Variants in GPC3 observed in about 807,000 individuals in gnomAD.
GPC3 encodes glypican 3.
GPC3 carries 3 observed loss-of-function variants against 34.4 expected under a neutral mutation model. The observed-to-expected ratio is 0.09, with a 90% confidence interval of 0.04 to 0.23. GPC3 has a LOEUF of 0.23. Among genes scored for constraint, GPC3 ranks in the 10% least tolerant of loss-of-function variants. The probability of loss-of-function intolerance (pLI) is 1.00; values close to 1 mark genes in which losing one functional copy is unlikely to be tolerated. For synonymous variants in GPC3, 177 were observed against 174.0 expected (o/e 1.02, Z -0.13); for missense variants, 351 against 445.6 (o/e 0.79, Z 1.91).
chrX:133,985,576 A>G lies in GPC3; in HGVS notation c.-127T>C. 1.8e-6 allele frequency: 1 copy of G among 566,003 alleles called. No homozygotes were observed. Among genetic ancestry groups the G allele is most frequent in the Non-Finnish European group, 2.6e-6 (1 of 386,331 alleles). The allele number at this position is 566,003 out of a possible 1,213,427, so 46.6% of individuals were successfully genotyped here. ...CGTGCTGCTACCCAGCCGCTGCAAA[A>G]GTTTCCTCGCAGCTACCTGGGCGCT... On this transcript the variant is annotated 5_prime_UTR_variant, in exon 1 of 8. Coordinates refer to ENST00000370818, the MANE Select transcript of GPC3 (RefSeq NM_004484.4).
At chrX:133,910,754 A>G (rs1316490997) in intron 2 of GPC3, among the ~76,000 whole-genome samples, 1 of 112,290 alleles carries the variant, frequency 8.9e-6, no homozygotes, top group Non-Finnish European at 1.9e-5. Flanking sequence ...AGTTGTTAGT[A>G]GGCTTCTATT....
At chrX:133,831,330 T>C (rs1466679490) in intron 2 of GPC3, among the ~76,000 whole-genome samples, 1 of 112,546 alleles carries the variant, frequency 8.9e-6, no homozygotes, top group Non-Finnish European at 1.9e-5. Flanking sequence ...TTTTGTGAGA[T>C]ATTATCACTG....
intron 3 of GPC3, among the ~76,000 whole-genome samples, chrX:133,733,044 TAG>T (rs2071477392): frequency 9.0e-6 from 1 of 110,780 alleles, no homozygotes; most frequent in Non-Finnish European, 1.9e-5. Flanking sequence ...TGTATTTTTG[TAG>T]AGACAGAGTT....
chrX:133,596,845 G>A (rs1369982672), intron 6 of GPC3, among the ~76,000 whole-genome samples: 1 of 111,464 alleles, frequency 9.0e-6, no homozygotes, highest in Non-Finnish European at 1.9e-5. Context: ...AGTAGCCAGA[G>A]TGTATATTGC....
intron 2 of GPC3, among the ~76,000 whole-genome samples, chrX:133,880,630 A>G (rs1476439895): frequency 1.8e-5 from 2 of 112,159 alleles, no homozygotes; most frequent in Non-Finnish European, 3.8e-5. Context: ...ATATAATGTG[A>G]TCCACCACGG....
chrX:133,940,872 GT>G (rs1186669028), intron 2 of GPC3, among the ~76,000 whole-genome samples: 2 of 112,012 alleles, frequency 1.8e-5, no homozygotes, highest in Non-Finnish European at 3.8e-5. Context: ...CTGTCTCTCT[GT>G]TTTTTCTTTT....
At chrX:133,765,685 T>C (rs1221918994) in intron 2 of GPC3, among the ~76,000 whole-genome samples, 2 of 111,795 alleles carry the variant, frequency 1.8e-5, no homozygotes, top group Non-Finnish European at 3.8e-5. Context: ...TTGCCAGTAG[T>C]GTATGCAACC....
intron 3 of GPC3, among the ~76,000 whole-genome samples, chrX:133,740,863 TTTTGTTTG>T (rs761032289): frequency 1.8e-5 from 2 of 110,983 alleles, no homozygotes; most frequent in Admixed American, 9.6e-5. Flanking sequence ...TGTGTGGGTT[TTTTGTTTG>T]TTTGTTTGTT....
chrX:133,601,370 G>A (rs912696830), intron 6 of GPC3, among the ~76,000 whole-genome samples: 5 of 111,752 alleles, frequency 4.5e-5, no homozygotes, highest in African/African-American at 1.6e-4. Context: ...ATTGACTTGA[G>A]TTCGAACGCT....
At chrX:133,671,391 C>A in intron 5 of GPC3, 1 of 530,639 alleles carries the variant, frequency 1.9e-6, no homozygotes, top group Admixed American at 2.6e-5. Flanking sequence ...AAGTAAAGGG[C>A]TGCAATATGT....
intron 6 of GPC3, among the ~76,000 whole-genome samples, chrX:133,608,430 G>C (rs757499976): frequency 8.9e-6 from 1 of 112,310 alleles, no homozygotes; most frequent in Non-Finnish European, 1.9e-5. Context: ...AGAGGGCAAG[G>C]GTCCTGGGGT....
At chrX:133,641,114 G>A (rs1220154749) in intron 6 of GPC3, among the ~76,000 whole-genome samples, 12 of 110,335 alleles carry the variant, frequency 1.1e-4, no homozygotes, top group Non-Finnish European at 2.1e-4. Context: ...CATTGAATAG[G>A]TGTAGTAAAT....
chrX:133,537,072 T>G (rs897886587), intron 7 of GPC3, among the ~76,000 whole-genome samples: 1 of 111,740 alleles, frequency 8.9e-6, no homozygotes, highest in Non-Finnish European at 1.9e-5. Flanking sequence ...TGAAAAGAAA[T>G]CAGGGTGTTA....
Position 133,899,923 on chromosome X carries a change from C to T in GPC3, c.337+53127G>A, listed in dbSNP as rs768989629. Among the ~76,000 whole-genome samples the T allele has an allele frequency of 5.4e-5, 6 of 111,392 alleles. No individual in the cohort carries two copies. The East Asian group carries it at 1.4e-3, about 26-fold the overall frequency. ...GTTCAAGCAATTCTCTTGCGTCAGC[C>T]TCCTGAGTAGCTAGGATTACAGGCG... On this transcript the variant is annotated intron_variant, in intron 2 of 7. Transcript: ENST00000370818.
chrX:133,842,754 C>T (rs1217719273), intron 2 of GPC3, among the ~76,000 whole-genome samples: 1 of 110,589 alleles, frequency 9.0e-6, no homozygotes, highest in Non-Finnish European at 1.9e-5. Flanking sequence ...TTATCAGATA[C>T]TCAGAAGGTT....
chrX:133,877,677 T>G (rs2076022497), intron 2 of GPC3, among the ~76,000 whole-genome samples: 2 of 111,837 alleles, frequency 1.8e-5, no homozygotes, highest in African/African-American at 6.5e-5. Context: ...TCAGAAACAA[T>G]CTAAGATGAT....
At chrX:133,945,745 C>T (rs1409984262) in intron 2 of GPC3, among the ~76,000 whole-genome samples, 2 of 105,076 alleles carry the variant, frequency 1.9e-5, no homozygotes, top group Non-Finnish European at 3.9e-5. Flanking sequence ...CAGAGAGAGA[C>T]TCCGTCTCAA....
At chrX:133,621,654 A>G (rs2070234359) in intron 6 of GPC3, among the ~76,000 whole-genome samples, 1 of 112,138 alleles carries the variant, frequency 8.9e-6, no homozygotes, top group South Asian at 3.7e-4. Context: ...AGCGGCCAGG[A>G]AGCTCAAACT....
At chrX:133,611,221 G>T (rs2070108102) in intron 6 of GPC3, among the ~76,000 whole-genome samples, 1 of 106,035 alleles carries the variant, frequency 9.4e-6, no homozygotes, top group South Asian at 4.3e-4. Flanking sequence ...TGTGGGTGGG[G>T]TGTGGGTGGG....
Sources: allele counts gnomAD v4.1 joint callset (sites outside exome capture counted in the v4.1 genomes callset), GRCh38; gene constraint gnomAD v4.1.1; transcripts MANE v1.5; gene names NCBI Gene and HGNC (gene_info 2026-07-23, HGNC 2026-07-21).